INSC: variants seen among roughly 807,000 people sequenced by gnomAD.
INSC encodes INSC spindle orientation adaptor protein, also known as protein inscuteable homolog.
INSC carries 67 observed loss-of-function variants against 58.6 expected under a neutral mutation model. The observed-to-expected ratio is 1.14, with a 90% CI of 0.94 to 1.40. The LOEUF (loss-of-function observed/expected upper bound fraction) is 1.40, where lower values mean the gene tolerates loss of function less well. Ranked by LOEUF, INSC falls within the 40% of genes most tolerant of loss-of-function variation. The probability of loss-of-function intolerance (pLI) is 0.00; values close to 1 mark genes in which losing one functional copy is unlikely to be tolerated. For synonymous variants in INSC, 262 were observed against 276.1 expected (o/e 0.95, Z 0.51); for missense variants, 714 against 692.0 (o/e 1.03, Z -0.36).
chr11:15,169,118 T>C (rs1849302546), intron 2 of INSC, among the ~76,000 whole-genome samples: 1 of 152,062 alleles, frequency 6.6e-6, no homozygotes, highest in Non-Finnish European at 1.5e-5. Flanking sequence ...AAGGAAGCTG[T>C]GGCTCAAGGC....
chr11:15,158,388 G>A (rs1848891830), intron 2 of INSC, among the ~76,000 whole-genome samples: 1 of 151,658 alleles, frequency 6.6e-6, no homozygotes, highest in Non-Finnish European at 1.5e-5. Context: ...GAAACTTCTT[G>A]CCATATGACT....
intron 1 of INSC, among the ~76,000 whole-genome samples, chr11:15,126,185 G>A (rs188513863): frequency 5.3e-5 from 8 of 152,298 alleles, no homozygotes; most frequent in Middle Eastern, 3.4e-3. Context: ...ATCAGATGGA[G>A]GAATAATAGG....
chr11:15,147,984 A>G (rs985480116), intron 1 of INSC, among the ~76,000 whole-genome samples: 4 of 152,338 alleles, frequency 2.6e-5, no homozygotes, highest in South Asian at 2.1e-4. Context: ...GGGCTTATTC[A>G]TGGGCTTGGG....
the INSC span, among the ~76,000 whole-genome samples, chr11:15,263,656 T>A: frequency 6.6e-6 from 1 of 152,166 alleles, no homozygotes; most frequent in East Asian, 1.9e-4. Context: ...ATGTAGTATC[T>A]TACAGTTCTG....
chr11:15,119,434 G>A (rs1847814216), intron 1 of INSC, among the ~76,000 whole-genome samples: 1 of 152,292 alleles, frequency 6.6e-6, no homozygotes. Flanking sequence ...CCCAGCTCCA[G>A]GGTCCCCTCA....
chr11:15,213,676 TG>T (rs1248913495), intron 7 of INSC, among the ~76,000 whole-genome samples: 1 of 152,224 alleles, frequency 6.6e-6, no homozygotes, highest in Non-Finnish European at 1.5e-5. Flanking sequence ...CTGCTTTCTC[TG>T]CCTATATGTC....
intron 2 of INSC, among the ~76,000 whole-genome samples, chr11:15,172,051 G>A (rs923398801): frequency 6.6e-6 from 1 of 152,118 alleles, no homozygotes; most frequent in South Asian, 2.1e-4. Context: ...CTGCAGCCTG[G>A]GTAGCCATCC....
At chr11:15,215,586 C>T (rs1034577973) in intron 7 of INSC, among the ~76,000 whole-genome samples, 6 of 152,238 alleles carry the variant, frequency 3.9e-5, no homozygotes, top group African/African-American at 1.2e-4. Context: ...AATCTCATCT[C>T]CTCCCTGGGC....
At chr11:15,153,824 C>T (rs556420594) in intron 2 of INSC, among the ~76,000 whole-genome samples, 2 of 152,238 alleles carry the variant, frequency 1.3e-5, no homozygotes, top group East Asian at 1.9e-4. Flanking sequence ...AACTGAGGCC[C>T]GGAGAGGGGA....
chr11:15,227,519 C>G (rs1008890387), intron 9 of INSC, among the ~76,000 whole-genome samples: 3 of 152,208 alleles, frequency 2.0e-5, no homozygotes, highest in African/African-American at 7.2e-5. Flanking sequence ...CCAAAATCCT[C>G]AACTTGGCCC....
chr11:15,143,676 G>A (rs1490025191), intron 1 of INSC, among the ~76,000 whole-genome samples: 5 of 152,114 alleles, frequency 3.3e-5, no homozygotes, highest in Non-Finnish European at 7.4e-5. Context: ...GGGCATGGCT[G>A]GAAAGGGGCA....
intron 5 of INSC, among the ~76,000 whole-genome samples, chr11:15,186,381 T>C (rs1296043005): frequency 1.3e-5 from 2 of 152,208 alleles, no homozygotes; most frequent in Non-Finnish European, 2.9e-5. Context: ...CTTTCCTAAC[T>C]TATAGAGTGA....
downstream of INSC, among the ~76,000 whole-genome samples, chr11:15,248,603 A>G (rs575850449): frequency 3.9e-5 from 6 of 152,324 alleles, no homozygotes; most frequent in East Asian, 5.8e-4. Context: ...TGAAGACTAA[A>G]TCGCAGCCTT....
upstream of INSC, chr11:15,112,612 G>C (rs774226532): frequency 1.4e-6 from 1 of 735,194 alleles, no homozygotes; most frequent in Non-Finnish European, 1.9e-6. Flanking sequence ...GTGTGTGTGT[G>C]TGTGTGTGTG....
chr11:15,188,184 C>A (rs920062416), intron 5 of INSC: 1 of 985,230 alleles, frequency 1.0e-6, no homozygotes, highest in Non-Finnish European at 1.2e-6. Context: ...ATTTGCAAGG[C>A]CCCCACTCAC....
At chr11:15,213,665 C>T (rs1005567010) in intron 7 of INSC, among the ~76,000 whole-genome samples, 8 of 152,268 alleles carry the variant, frequency 5.3e-5, no homozygotes, top group South Asian at 4.1e-4. Context: ...ATTACTCATC[C>T]CTGCTTTCTC....
rs1273504413 is a variant in INSC, at chr11:15,175,928, T to G, written c.244T>G (p.Trp82Gly). The change falls in exon 3 of 13, where the codon TGG becomes GGG. Residue 82 changes from tryptophan to glycine, a missense_variant. Transcript: ENST00000379556. Reference protein sequence around the residue: ...DPLQLLLKRGWVISTELRRIG... With the variant: ...DPLQLLLKRGGVISTELRRIG... ...CCTGCAGCTGCTGCTCAAACGGGGTTGGGTCATTAGCACAGAGCTGCGCAG... is the reference window on the plus strand; with the variant it reads ...CCTGCAGCTGCTGCTCAAACGGGGTGGGGTCATTAGCACAGAGCTGCGCAG... 1 of 1,614,108 alleles carries G rather than the reference T, an allele frequency of 6.2e-7. No homozygotes were observed. Among genetic ancestry groups the G allele is most frequent in the South Asian group, 1.1e-5 (1 of 91,080 alleles).
chr11:15,185,621 A>G (rs988906380), intron 5 of INSC, among the ~76,000 whole-genome samples: 8 of 152,114 alleles, frequency 5.3e-5, no homozygotes, highest in Admixed American at 1.3e-4. Context: ...TTTAAAACTT[A>G]AATATATTAC....
intron 2 of INSC, among the ~76,000 whole-genome samples, chr11:15,161,344 G>A (rs562295028): frequency 3.9e-5 from 6 of 152,270 alleles, no homozygotes; most frequent in East Asian, 1.9e-4. Flanking sequence ...TATAGAACAC[G>A]TCAGAAAATG....
Sources: gnomAD v4.1 joint callset for allele counts (sites outside exome capture counted in the v4.1 genomes callset) on GRCh38, gnomAD v4.1.1 for gene constraint, MANE v1.5 for transcripts, NCBI Gene and HGNC (gene_info 2026-07-23, HGNC 2026-07-21) for gene names.